Variants in U2AF2 observed in about 807,000 individuals in gnomAD.
U2AF2 encodes the protein U2 small nuclear RNA auxiliary factor 2.
U2AF2 carries 6 observed loss-of-function variants against 52.6 expected under a neutral mutation model. The ratio of observed to expected loss-of-function variants is 0.11; its 90% confidence interval spans 0.06 to 0.23. The LOEUF (loss-of-function observed/expected upper bound fraction) is 0.23. Ranked by LOEUF, U2AF2 falls within the 10% of genes least tolerant of loss-of-function variation. U2AF2 has a pLI of 1.00. For synonymous variants in U2AF2, 284 were observed against 258.2 expected, an observed-to-expected ratio of 1.10 and a Z score of -0.96; for missense variants, 222 against 677.1, an observed-to-expected ratio of 0.33 and a Z score of 7.46.
intron 7 of U2AF2, among the ~76,000 whole-genome samples, chr19:55,664,529 G>T (rs1984420535): frequency 6.6e-6 from 1 of 152,302 alleles, no homozygotes; most frequent in Non-Finnish European, 1.5e-5. Context: ...GCCCTGTCAG[G>T]GTGCGGCTGT....
At chr19:55,662,205 A>C in intron 5 of U2AF2, 5 of 296,434 alleles carry the variant, frequency 1.7e-5, no homozygotes, top group East Asian at 6.4e-5. Context: ...TTCTTGAACA[A>C]TCTTCTCCTT....
chr19:55,669,718 C>G lies in U2AF2; in HGVS notation c.1293+26C>G, dbSNP rs780548373. 1.5e-5 allele frequency: 23 copies of G among 1,568,790 alleles called. No individual in the cohort carries two copies. The Admixed American group carries it at 3.2e-4, about 22-fold the overall frequency. Reference sequence around the variant, plus strand: ...GTCAGGAGGCCTCGGGCTCAGTGCTCTCTCACCCTCTGCCCCTCCTCTTCT... The same window carrying G: ...GTCAGGAGGCCTCGGGCTCAGTGCTGTCTCACCCTCTGCCCCTCCTCTTCT... On this transcript the variant is annotated intron_variant, in intron 11 of 11. Coordinates refer to ENST00000308924, the MANE Select transcript of U2AF2 (RefSeq NM_007279.3).
chr19:55,655,968 T>A (rs1259688046), intron 1 of U2AF2, among the ~76,000 whole-genome samples: 1 of 151,972 alleles, frequency 6.6e-6, no homozygotes, highest in Non-Finnish European at 1.5e-5. Flanking sequence ...CAGTCTCAGA[T>A]CTCAATATAG....
intron 11 of U2AF2, among the ~76,000 whole-genome samples, chr19:55,673,056 G>A (rs1985024637): frequency 6.6e-6 from 1 of 151,968 alleles, no homozygotes; most frequent in Admixed American, 6.6e-5. Flanking sequence ...AGAGTAGCTG[G>A]GACAGGCACC....
chr19:55,664,894 T>G (rs1330194344), intron 7 of U2AF2, among the ~76,000 whole-genome samples: 1 of 151,994 alleles, frequency 6.6e-6, no homozygotes, highest in Non-Finnish European at 1.5e-5. Context: ...ATTTTTGTAT[T>G]TTTAGTAGAG....
In U2AF2 at chr19:55,660,168, AC is replaced by A. The variant is rs1568549269; in HGVS notation, c.186-3del. 5.7e-6 allele frequency: 4 copies of A among 705,416 alleles called. No individual in the cohort carries two copies. The Admixed American group carries it at 1.1e-4, about 19-fold the overall frequency. The allele number at this position is 705,416 out of a possible 1,614,324, so 43.7% of individuals were successfully genotyped here. ...ACCCCTCCCCATACCTTTCCCTCCCACCCCCCAGCAAACCTTTGACCAGAGG... is the reference window on the plus strand; with the variant it reads ...ACCCCTCCCCATACCTTTCCCTCCCACCCCCAGCAAACCTTTGACCAGAGG... On this transcript the variant is annotated splice_polypyrimidine_tract_variant and splice_region_variant and intron_variant, in intron 2 of 11. Coordinates refer to ENST00000308924, the MANE Select transcript of U2AF2 (RefSeq NM_007279.3).
At chr19:55,670,983 A>G (rs1168066527) in intron 11 of U2AF2, among the ~76,000 whole-genome samples, 1 of 152,214 alleles carries the variant, frequency 6.6e-6, no homozygotes, top group Admixed American at 6.5e-5. Flanking sequence ...GCGATGCCAC[A>G]GCCAGGTTTG....
At chr19:55,669,915 G>C (rs903773160) in intron 11 of U2AF2, among the ~76,000 whole-genome samples, 1 of 152,166 alleles carries the variant, frequency 6.6e-6, no homozygotes, top group Admixed American at 6.5e-5. Context: ...TGAGGGGTTT[G>C]TGGCCCTGTG....
chr19:55,660,387 C>A, intron 3 of U2AF2, 129 bp from the exon 4 acceptor site: 1 of 1,097,122 alleles, frequency 9.1e-7, no homozygotes, highest in Non-Finnish European at 1.3e-6. Flanking sequence ...AGACCCTCTC[C>A]TTCCCTGGAG....
intron 11 of U2AF2, among the ~76,000 whole-genome samples, chr19:55,673,342 CTT>C (rs1401823436): frequency 6.9e-6 from 1 of 144,988 alleles, no homozygotes; most frequent in Non-Finnish European, 1.5e-5. Flanking sequence ...TTTGCAAGCT[CTT>C]TTATTTGTAG....
At chr19:55,659,388 G>A (rs1265908589) in intron 2 of U2AF2, 43 bp downstream of exon 2, 1 of 1,442,638 alleles carries the variant, frequency 6.9e-7, no homozygotes, top group South Asian at 1.4e-5. Flanking sequence ...TGGGAGTCGG[G>A]GGGTCGGTGT....
Position 55,667,126 on chromosome 19 carries a change from C to T in U2AF2, c.743-1381C>T, listed in dbSNP as rs377300204. 2.6e-5 allele frequency among the ~76,000 whole-genome samples: 4 copies of T among 152,220 alleles called. No individual in the cohort carries two copies. In the South Asian group the frequency reaches 8.3e-4, roughly 32 times the overall value. The stretch of plus-strand genomic sequence containing the variant: ...GCCCCAGTCTGGTGGTTGGAGCTGG[C>T]TGGGTTGGTGCTTCCAGTTCTGTGG... On this transcript the variant is annotated intron_variant, in intron 7 of 11. Coordinates refer to ENST00000308924, the MANE Select transcript of U2AF2 (RefSeq NM_007279.3).
At chr19:55,672,486 A>C (rs767791449) in intron 11 of U2AF2, among the ~76,000 whole-genome samples, 53 of 152,046 alleles carry the variant, frequency 3.5e-4, no homozygotes, top group Non-Finnish European at 5.6e-4. Context: ...GGATATTGAG[A>C]TGTATCCCCA....
chr19:55,668,499 A>AC lies in U2AF2; in HGVS notation c.743-5dup. ...TGGAATTGAAGTCCTCCTCTTCTCT[A>AC]CCCATAGGGGTTGTGTCCACTGTGG... On this transcript the variant is annotated splice_region_variant and splice_polypyrimidine_tract_variant and intron_variant, in intron 7 of 11. Transcript: ENST00000308924. This position sits in a 1 kb window ranked among gnomAD's most constrained non-coding sequence, Gnocchi z 5.5. 6.3e-7 allele frequency: 1 copy of AC among 1,585,954 alleles called. No individual in the cohort carries two copies. Among genetic ancestry groups the AC allele is most frequent in the Non-Finnish European group, 8.6e-7 (1 of 1,164,208 alleles).
intron 6 of U2AF2, among the ~76,000 whole-genome samples, chr19:55,663,352 C>T (rs558445184): frequency 3.3e-5 from 5 of 152,316 alleles, no homozygotes; most frequent in South Asian, 2.1e-4. Context: ...GTCCCTCTTC[C>T]GTGTCATCAC....
intron 2 of U2AF2, 151 bp downstream of exon 2, chr19:55,659,496 C>T: frequency 9.4e-7 from 1 of 1,061,654 alleles, no homozygotes; most frequent in Non-Finnish European, 1.2e-6. Flanking sequence ...GGATCTACTG[C>T]TTGGTCTGTC....
At chr19:55,661,358 G>C in intron 5 of U2AF2, 169 bp downstream of exon 5, 1 of 672,854 alleles carries the variant, frequency 1.5e-6, no homozygotes, top group Non-Finnish European at 2.2e-6. Context: ...GGCCGGGCTG[G>C]GGGTGGCCCT....
Position 55,663,647 on chromosome 19 carries a change from T to C in U2AF2, c.645T>C (p.Asp215=). 6.2e-7 allele frequency: 1 copy of C among 1,614,172 alleles called. No individual in the cohort carries two copies. The highest frequency in any genetic ancestry group is 1.1e-5 in the South Asian group (1 of 91,084). The change falls in exon 7 of 12, where the codon GAT becomes GAC. Residue 215 remains aspartate (D), a synonymous_variant. Coordinates refer to ENST00000308924, the MANE Select transcript of U2AF2 (RefSeq NM_007279.3). Reference sequence around the variant, plus strand: ...AGACTACCCAGGCTATGGCCTTTGATGGCATCATCTTCCAGGGCCAGTCAC... The same window carrying C: ...AGACTACCCAGGCTATGGCCTTTGACGGCATCATCTTCCAGGGCCAGTCAC... ...VDETTQAMAF[D]GIIFQGQSLK...
At position 55,662,661 on chromosome 19, in the gene U2AF2, G is replaced by A. The variant is rs893567174; in HGVS notation, c.603+43G>A. On this transcript the variant is annotated intron_variant, in intron 6 of 11. Coordinates refer to ENST00000308924, the MANE Select transcript of U2AF2 (RefSeq NM_007279.3). ...GTGAGGTCCAGGAAACGTGTGTGAT[G>A]TGAGGGCCCAGCCCTTAGGCTGATG... 4 of 1,552,590 alleles carry A rather than the reference G, an allele frequency of 2.6e-6. No homozygotes were observed. The African/African-American group carries it at 5.4e-5, about 21-fold the overall frequency.
Sources: gnomAD v4.1 joint callset for allele counts (sites outside exome capture counted in the v4.1 genomes callset) on GRCh38, gnomAD v4.1.1 for gene constraint, Gnocchi (gnomAD v3.1) non-coding constraint, MANE v1.5 for transcripts, NCBI Gene and HGNC (gene_info 2026-07-23, HGNC 2026-07-21) for gene names.